PIGK: variants seen among roughly 807,000 people sequenced by gnomAD.
PIGK encodes the protein GPI-anchor transamidase.
Under a neutral mutation model 50.6 loss-of-function variants are expected in PIGK, and 42 were observed. The observed-to-expected ratio is 0.83, with a 90% CI of 0.65 to 1.07. PIGK has a LOEUF of 1.07. PIGK is among the 50% of genes least tolerant of loss of function. The probability of loss-of-function intolerance (pLI) is 0.00; values close to 1 mark genes in which losing one functional copy is unlikely to be tolerated. For missense variants in PIGK, 448 were observed against 488.7 expected, an observed-to-expected ratio of 0.92 and a Z score of 0.78; for synonymous variants, 151 against 156.0, an observed-to-expected ratio of 0.97 and a Z score of 0.24.
chr1:77,093,076 C>G (rs766254277), intron 10 of PIGK, among the ~76,000 whole-genome samples: 2 of 152,006 alleles, frequency 1.3e-5, no homozygotes, highest in Non-Finnish European at 2.9e-5. Flanking sequence ...TGTGCCTATT[C>G]AAAACTCACT....
Position 77,166,767 on chromosome 1 carries a change from T to C in PIGK, c.439A>G (p.Lys147Glu). The change falls in exon 5 of 11, where the codon AAA becomes GAA. Residue 147 changes from lysine (K) to glutamate (E), a missense_variant. By Grantham distance (56) the Lys-to-Glu change is moderately conservative. Coordinates refer to ENST00000370812, the MANE Select transcript of PIGK (RefSeq NM_005482.3). ...GRIPPSTPRS[K>E]RLLSDDRSNI... Reference sequence around the variant, plus strand: ...CTTCTGTCATCAGAAAGAAGACGTTTTGACCGAGGAGTACTAGGTGGGATC... The same window carrying C: ...CTTCTGTCATCAGAAAGAAGACGTTCTGACCGAGGAGTACTAGGTGGGATC... 6.2e-7 allele frequency: 1 copy of C among 1,601,370 alleles called. No homozygotes were observed. Among genetic ancestry groups the C allele is most frequent in the Non-Finnish European group, 8.5e-7 (1 of 1,172,738 alleles).
intron 3 of PIGK, among the ~76,000 whole-genome samples, chr1:77,178,074 G>T (rs372760932): frequency 5.9e-5 from 9 of 152,108 alleles, no homozygotes; most frequent in Non-Finnish European, 8.8e-5. Flanking sequence ...AAATAAAAAG[G>T]GGGTCTCTTG....
chr1:77,147,445 G>A (rs1333987144), intron 9 of PIGK, among the ~76,000 whole-genome samples: 1 of 152,242 alleles, frequency 6.6e-6, no homozygotes, highest in East Asian at 1.9e-4. Context: ...AACATAAGAG[G>A]TGAGTGTTTA....
At chr1:77,213,780 A>G (rs1243796091) in intron 1 of PIGK, among the ~76,000 whole-genome samples, 1 of 152,152 alleles carries the variant, frequency 6.6e-6, no homozygotes, top group Non-Finnish European at 1.5e-5. Flanking sequence ...AATAAACAAT[A>G]TCAACAAACC....
At chr1:77,176,006 TA>T (rs1356643699) in intron 3 of PIGK, among the ~76,000 whole-genome samples, 1 of 151,944 alleles carries the variant, frequency 6.6e-6, no homozygotes, top group African/African-American at 2.4e-5. Flanking sequence ...TAAAGGATAA[TA>T]AAAAAATTTT....
intron 3 of PIGK, among the ~76,000 whole-genome samples, chr1:77,183,262 A>C (rs990773618): frequency 6.6e-6 from 1 of 152,166 alleles, no homozygotes; most frequent in African/African-American, 2.4e-5. Context: ...AACTCTGATG[A>C]ACCTTTTCTG....
chr1:77,102,643 G>A (rs1653575909), intron 10 of PIGK, among the ~76,000 whole-genome samples: 1 of 152,160 alleles, frequency 6.6e-6, no homozygotes, highest in African/African-American at 2.4e-5. Context: ...ACCCCTGTTG[G>A]ACAGCTGACC....
At chr1:77,145,411 C>A (rs1267930042) in intron 9 of PIGK, among the ~76,000 whole-genome samples, 1 of 151,956 alleles carries the variant, frequency 6.6e-6, no homozygotes, top group Non-Finnish European at 1.5e-5. Flanking sequence ...AATATAAAAT[C>A]AATTGTAATA....
At chr1:77,157,480 G>T (rs544138865) in intron 8 of PIGK, among the ~76,000 whole-genome samples, 26 of 152,112 alleles carry the variant, frequency 1.7e-4, no homozygotes, top group African/African-American at 6.3e-4. Context: ...AATGTGCAAG[G>T]TACATATATT....
chr1:77,111,473 C>T (rs542057621), intron 10 of PIGK, among the ~76,000 whole-genome samples: 77 of 152,050 alleles, frequency 5.1e-4, no homozygotes, highest in African/African-American at 1.7e-3. Flanking sequence ...TGGATGAAGA[C>T]GGAAACCATC....
At chr1:77,146,456 G>C (rs545295683) in intron 9 of PIGK, among the ~76,000 whole-genome samples, 2 of 152,170 alleles carry the variant, frequency 1.3e-5, no homozygotes, top group East Asian at 3.9e-4. Flanking sequence ...GAGGCCAGTA[G>C]TTTTAGATCA....
chr1:77,150,938 C>T (rs1214175423), intron 9 of PIGK, among the ~76,000 whole-genome samples: 1 of 152,098 alleles, frequency 6.6e-6, no homozygotes, highest in Non-Finnish European at 1.5e-5. Context: ...AATACCAAGT[C>T]TACTCAAACT....
At chr1:77,136,987 T>G (rs1333603123) in intron 9 of PIGK, among the ~76,000 whole-genome samples, 9 of 152,234 alleles carry the variant, frequency 5.9e-5, no homozygotes, top group Non-Finnish European at 1.2e-4. Context: ...TCATACCTTT[T>G]TGAGATACAA....
chr1:77,108,637 T>C (rs1445350895), intron 10 of PIGK, among the ~76,000 whole-genome samples: 1 of 152,108 alleles, frequency 6.6e-6, no homozygotes, highest in Non-Finnish European at 1.5e-5. Context: ...AATGTTGGCC[T>C]GCCTTGCTAG....
chr1:77,152,803 C>T (rs1038289777), intron 9 of PIGK, among the ~76,000 whole-genome samples: 2 of 151,876 alleles, frequency 1.3e-5, no homozygotes, highest in Non-Finnish European at 1.5e-5. Context: ...CAAAGAAATG[C>T]AAATCAAAAC....
At chr1:77,197,345 A>G (rs1458404582) in intron 3 of PIGK, among the ~76,000 whole-genome samples, 1 of 152,216 alleles carries the variant, frequency 6.6e-6, no homozygotes, top group Non-Finnish European at 1.5e-5. Context: ...TGAAGGCCTG[A>G]TGATACAGGA....
intron 9 of PIGK, among the ~76,000 whole-genome samples, chr1:77,127,742 T>C (rs1213512947): frequency 6.6e-6 from 1 of 152,124 alleles, no homozygotes; most frequent in Non-Finnish European, 1.5e-5. Context: ...TCTCTACACA[T>C]ACCAAAAATA....
chr1:77,141,115 T>C (rs185069314), intron 9 of PIGK, among the ~76,000 whole-genome samples: 2 of 152,280 alleles, frequency 1.3e-5, no homozygotes, highest in East Asian at 3.9e-4. Flanking sequence ...AAATTAGATA[T>C]ATTAATTTTA....
chr1:77,120,163 T>C (rs949877170), intron 10 of PIGK, among the ~76,000 whole-genome samples: 1 of 152,140 alleles, frequency 6.6e-6, no homozygotes, highest in Non-Finnish European at 1.5e-5. Context: ...TTTGTGAAAC[T>C]AGCTAACCTA....
Sources: gnomAD v4.1 joint callset for allele counts (sites outside exome capture counted in the v4.1 genomes callset) on GRCh38, gnomAD v4.1.1 for gene constraint, MANE v1.5 for transcripts, NCBI Gene and HGNC (gene_info 2026-07-23, HGNC 2026-07-21) for gene names.